Variants in CCNY observed in about 807,000 individuals in gnomAD.
The protein encoded by CCNY is cyclin-Y.
Under a neutral mutation model 42.8 loss-of-function variants are expected in CCNY, and 19 were observed. The ratio of observed to expected loss-of-function variants is 0.44; its 90% CI spans 0.31 to 0.65. The LOEUF is 0.65. Among genes scored for constraint, CCNY ranks in the 30% least tolerant of loss-of-function variants. CCNY has a pLI of 0.07. For synonymous variants in CCNY, 165 were observed against 162.7 expected (o/e 1.01, Z -0.11); for missense variants, 370 against 437.3 (o/e 0.85, Z 1.37).
chr10:35,527,593 G>A (rs1235877539), intron 5 of CCNY, among the ~76,000 whole-genome samples: 1 of 152,210 alleles, frequency 6.6e-6, no homozygotes, highest in Non-Finnish European at 1.5e-5. Flanking sequence ...GATACAACTA[G>A]TAAATTGGGG....
intron 3 of CCNY, among the ~76,000 whole-genome samples, chr10:35,300,319 G>A (rs538039361): frequency 3.9e-5 from 6 of 151,984 alleles, no homozygotes; most frequent in African/African-American, 7.3e-5. Context: ...GAGATGCCAC[G>A]CCCTGCCTGA....
chr10:35,324,048 C>T (rs966777481), intron 3 of CCNY, among the ~76,000 whole-genome samples: 1 of 151,586 alleles, frequency 6.6e-6, no homozygotes, highest in Non-Finnish European at 1.5e-5. Context: ...AAGGTCTAAA[C>T]TTCAAAGATA....
At chr10:35,515,327 A>G (rs1840405902) in intron 3 of CCNY, among the ~76,000 whole-genome samples, 1 of 152,246 alleles carries the variant, frequency 6.6e-6, no homozygotes, top group African/African-American at 2.4e-5. Context: ...TTGGAACCCC[A>G]AAGAAGTAAC....
chr10:35,358,852 T>C (rs1273469480), intron 1 of CCNY, among the ~76,000 whole-genome samples: 1 of 152,242 alleles, frequency 6.6e-6, no homozygotes, highest in Non-Finnish European at 1.5e-5. Context: ...GTTTATGTTC[T>C]GGACCCTTAT....
chr10:35,487,365 G>C (rs190999971), intron 2 of CCNY, among the ~76,000 whole-genome samples: 1 of 152,080 alleles, frequency 6.6e-6, no homozygotes. Context: ...TTGGGATGAG[G>C]ACAGTCATGT....
At chr10:35,428,282 C>T (rs142453575) in intron 1 of CCNY, among the ~76,000 whole-genome samples, 3 of 152,184 alleles carry the variant, frequency 2.0e-5, no homozygotes, top group Admixed American at 6.5e-5. Flanking sequence ...AACCTGATCC[C>T]GACTGGGGCT....
In CCNY at chr10:35,360,403, C is replaced by G. The variant is rs531406290; in HGVS notation, c.154+23196C>G. Among the ~76,000 whole-genome samples the G allele has an allele frequency of 4.6e-5, 7 of 151,024 alleles. 1 individual carries two copies. The South Asian group carries it at 1.5e-3, about 32-fold the overall frequency. On this transcript the variant is annotated intron_variant, in intron 1 of 9. Coordinates refer to ENST00000374704, the MANE Select transcript of CCNY (RefSeq NM_145012.6). ...CTGGGCTTAAGCGATCCTCCTGTCT[C>G]AGACTCCTGAGTAACTGGGACCACA...
chr10:35,498,054 A>G (rs1395268383), intron 2 of CCNY, among the ~76,000 whole-genome samples: 1 of 152,184 alleles, frequency 6.6e-6, no homozygotes, highest in Non-Finnish European at 1.5e-5. Flanking sequence ...AGGCAAACTC[A>G]GTACAGGGAA....
upstream of CCNY, among the ~76,000 whole-genome samples, chr10:35,335,231 C>T (rs574218176): frequency 1.7e-4 from 26 of 152,252 alleles, no homozygotes; most frequent in Non-Finnish European, 3.5e-4. Flanking sequence ...AACATTTACT[C>T]TACTTCTCTC....
At chr10:35,379,193 C>T (rs1218373578) in intron 1 of CCNY, among the ~76,000 whole-genome samples, 1 of 152,176 alleles carries the variant, frequency 6.6e-6, no homozygotes, top group Non-Finnish European at 1.5e-5. Context: ...AGCAGGCAGG[C>T]TCTCGGGTCC....
chr10:35,470,256 G>A (rs1482000319), intron 1 of CCNY, among the ~76,000 whole-genome samples: 5 of 151,946 alleles, frequency 3.3e-5, no homozygotes, highest in South Asian at 2.1e-4. Context: ...CAGACAGGGC[G>A]ATGGAAAGAC....
intron 1 of CCNY, among the ~76,000 whole-genome samples, chr10:35,347,132 T>C (rs139459920): frequency 3.9e-5 from 6 of 152,342 alleles, no homozygotes; most frequent in Non-Finnish European, 8.8e-5. Flanking sequence ...TTATCCCTTA[T>C]TGGGGATGTG....
intron 1 of CCNY, among the ~76,000 whole-genome samples, chr10:35,463,131 G>T (rs537165953): frequency 6.6e-6 from 1 of 152,230 alleles, no homozygotes; most frequent in Non-Finnish European, 1.5e-5. Context: ...CTAGGGTTCT[G>T]CATTCAGATG....
intron 1 of CCNY, among the ~76,000 whole-genome samples, chr10:35,383,308 T>G (rs1269441567): frequency 6.6e-6 from 1 of 151,820 alleles, no homozygotes; most frequent in East Asian, 1.9e-4. Context: ...AAACATTTTC[T>G]TTTCTTTTTT....
At chr10:35,325,374 C>T (rs1356723149) in intron 3 of CCNY, among the ~76,000 whole-genome samples, 1 of 151,814 alleles carries the variant, frequency 6.6e-6, no homozygotes, top group Non-Finnish European at 1.5e-5. Context: ...AGAGGGGTTT[C>T]ACCACGTTGG....
chr10:35,383,960 A>G (rs1589079215), intron 1 of CCNY, among the ~76,000 whole-genome samples: 1 of 152,080 alleles, frequency 6.6e-6, no homozygotes, highest in East Asian at 1.9e-4. Context: ...AAGAATATAT[A>G]TATATATATA....
At chr10:35,535,029 G>GTGTA (rs1383421351) in intron 7 of CCNY, among the ~76,000 whole-genome samples, 1 of 120,398 alleles carries the variant, frequency 8.3e-6, no homozygotes, top group Non-Finnish European at 1.8e-5. Flanking sequence ...GTGTGTGTGT[G>GTGTA]TGTATGTATA....
chr10:35,297,441 C>A (rs1289000789), intron 3 of CCNY, among the ~76,000 whole-genome samples: 1 of 152,044 alleles, frequency 6.6e-6, no homozygotes, highest in Non-Finnish European at 1.5e-5. Context: ...TTGAAAACTG[C>A]CACAAGACAA....
intron 7 of CCNY, among the ~76,000 whole-genome samples, chr10:35,537,825 T>C (rs183513558): frequency 6.6e-6 from 1 of 152,262 alleles, no homozygotes; most frequent in African/African-American, 2.4e-5. Context: ...TGTGGATTTT[T>C]GAGTTAATGA....
Sources: allele counts gnomAD v4.1 joint callset (sites outside exome capture counted in the v4.1 genomes callset), GRCh38; gene constraint gnomAD v4.1.1; transcripts MANE v1.5; gene names NCBI Gene and HGNC (gene_info 2026-07-23, HGNC 2026-07-21).